The following RBM20 variants were observed in gnomAD, a reference collection of about 807,000 sequenced individuals.
RBM20 encodes RNA-binding protein 20.
In RBM20, 51 loss-of-function variants were observed where a neutral mutation model predicts 110.1. That is an observed-to-expected ratio of 0.46 (90% CI 0.37 to 0.59). The LOEUF is 0.59. RBM20 is among the 20% of genes least tolerant of loss of function. The pLI is 0.00. For synonymous variants in RBM20, 589 were observed against 618.2 expected, an observed-to-expected ratio of 0.95 and a Z score of 0.70; for missense variants, 1,512 against 1,574.9, an observed-to-expected ratio of 0.96 and a Z score of 0.68.
intron 7 of RBM20, among the ~76,000 whole-genome samples, chr10:110,807,414 G>A (rs1844708149): frequency 6.6e-6 from 1 of 152,258 alleles, no homozygotes; most frequent in South Asian, 2.1e-4. Flanking sequence ...CTGGGAAACT[G>A]CATGGGCCAC....
chr10:110,766,682 T>C (rs1223023047), intron 1 of RBM20, among the ~76,000 whole-genome samples: 1 of 151,186 alleles, frequency 6.6e-6, no homozygotes, highest in African/African-American at 2.4e-5. Flanking sequence ...CAGAAGAATT[T>C]TTCTTAGTAC....
intron 1 of RBM20, among the ~76,000 whole-genome samples, chr10:110,737,675 G>A (rs1010477055): frequency 2.0e-5 from 3 of 150,586 alleles, no homozygotes; most frequent in Non-Finnish European, 2.9e-5. Context: ...ACTCTTTTGT[G>A]CCTAAGTTTC....
intron 12 of RBM20, among the ~76,000 whole-genome samples, chr10:110,829,707 G>T (rs1845024714): frequency 6.6e-6 from 1 of 152,234 alleles, no homozygotes; most frequent in South Asian, 2.1e-4. Flanking sequence ...GTGGGAGGAG[G>T]AAAGTGAAGC....
chr10:110,670,442 AT>A (rs2134839601), intron 1 of RBM20, among the ~76,000 whole-genome samples: 1 of 152,232 alleles, frequency 6.6e-6, no homozygotes, highest in South Asian at 2.1e-4. Context: ...ACTGGACTGT[AT>A]TTCTTTAGCT....
chr10:110,759,685 A>G (rs1281640149), intron 1 of RBM20, among the ~76,000 whole-genome samples: 2 of 152,184 alleles, frequency 1.3e-5, no homozygotes, highest in South Asian at 2.1e-4. Flanking sequence ...CAAGATTGCC[A>G]GGCGAAAACA....
At chr10:110,701,057 TTGCTTC>T (rs1413734382) in intron 1 of RBM20, among the ~76,000 whole-genome samples, 2 of 152,042 alleles carry the variant, frequency 1.3e-5, no homozygotes, top group South Asian at 4.1e-4. Flanking sequence ...AAACCTCTCT[TTGCTTC>T]TGCCTTATCT....
At chr10:110,769,862 TTG>T (rs1844162333) in intron 1 of RBM20, among the ~76,000 whole-genome samples, 2 of 151,896 alleles carry the variant, frequency 1.3e-5, no homozygotes, top group Non-Finnish European at 2.9e-5. Flanking sequence ...GAGATTACAG[TTG>T]TGCGCCACCA....
At chr10:110,707,610 G>A (rs1564821331) in intron 1 of RBM20, among the ~76,000 whole-genome samples, 1 of 152,058 alleles carries the variant, frequency 6.6e-6, no homozygotes, top group East Asian at 1.9e-4. Context: ...GCAATAACAT[G>A]AATGAAACTG....
At chr10:110,749,204 G>C (rs150668205) in intron 1 of RBM20, among the ~76,000 whole-genome samples, 119 of 152,352 alleles carry the variant, frequency 7.8e-4, no homozygotes, top group African/African-American at 2.6e-3. Context: ...CACAAGGATG[G>C]AAAGTAAGAG....
intron 1 of RBM20, among the ~76,000 whole-genome samples, chr10:110,727,419 A>AAAAAATAAAATAAAAAAATAAAAAAAAT (rs377734576): frequency 6.8e-6 from 1 of 146,726 alleles, no homozygotes; most frequent in Admixed American, 6.7e-5. Flanking sequence ...AAATAAAAAA[A>AAAAAATAAAATAAAAAAATAAAAAAAAT]AAATAAATAA....
chr10:110,792,980 GA>G (rs1397210253), intron 5 of RBM20, among the ~76,000 whole-genome samples: 14 of 152,190 alleles, frequency 9.2e-5, no homozygotes, highest in South Asian at 2.1e-4. Context: ...CACAGTTGGA[GA>G]AAGCTATCAT....
rs575216610 is a variant in RBM20, at chr10:110,723,110, T to TAAAAA, written c.192-57676_192-57672dup. ...CTGGGCGCCAGAGCGAGACTCCATCTAAAAAAAAAAAAAAAAAAATCATCC... is the reference window on the plus strand; with the variant it reads ...CTGGGCGCCAGAGCGAGACTCCATCTAAAAAAAAAAAAAAAAAAAAAAAATCATCC... On this transcript the variant is annotated intron_variant, in intron 1 of 13. Coordinates refer to ENST00000369519, the MANE Select transcript of RBM20 (RefSeq NM_001134363.3). Among the ~76,000 whole-genome samples, 287 of 128,110 alleles carry TAAAAA rather than the reference T, an allele frequency of 2.2e-3. 3 individuals are homozygous for TAAAAA. Among genetic ancestry groups the TAAAAA allele is most frequent in the African/African-American group, 7.8e-3 (273 of 34,778 alleles). The allele number at this position is 128,110 out of a possible 152,430, so 84.0% of individuals were successfully genotyped here.
Position 110,644,686 on chromosome 10 carries a change from G to T in RBM20, c.191+41G>T. On this transcript the variant is annotated intron_variant, in intron 1 of 13. Transcript: ENST00000369519. This position sits in a 1 kb window ranked among gnomAD's most constrained non-coding sequence, Gnocchi z 4.3. ...GGAACAGGGACCACGGGTGCGCCTG[G>T]GGACACGCCCCGAGAGCCCCCTTTG... The T allele has an allele frequency of 7.2e-7, 1 of 1,390,268 alleles. No homozygotes were observed. Among genetic ancestry groups the T allele is most frequent in the Non-Finnish European group, 9.5e-7 (1 of 1,057,868 alleles). The allele number at this position is 1,390,268 out of a possible 1,614,324, so 86.1% of individuals were successfully genotyped here.
At chr10:110,677,965 A>G (rs1427149298) in intron 1 of RBM20, among the ~76,000 whole-genome samples, 1 of 152,208 alleles carries the variant, frequency 6.6e-6, no homozygotes, top group Non-Finnish European at 1.5e-5. Context: ...TGAAAGAAGT[A>G]TTTACTGAAC....
At chr10:110,751,943 C>A (rs1048657298) in intron 1 of RBM20, among the ~76,000 whole-genome samples, 1 of 151,816 alleles carries the variant, frequency 6.6e-6, no homozygotes, top group Non-Finnish European at 1.5e-5. Context: ...ACAGAGATTT[C>A]CGATATACCC....
At chr10:110,666,809 A>G (rs1862185015) in intron 1 of RBM20, among the ~76,000 whole-genome samples, 1 of 152,182 alleles carries the variant, frequency 6.6e-6, no homozygotes, top group South Asian at 2.1e-4. Context: ...ATTGAGGATT[A>G]TAGGGTTTTA....
intron 1 of RBM20, among the ~76,000 whole-genome samples, chr10:110,736,871 A>C (rs1278929247): frequency 6.6e-6 from 1 of 152,080 alleles, no homozygotes; most frequent in Non-Finnish European, 1.5e-5. Flanking sequence ...GAGTGGGATT[A>C]GTGCTCTTAT....
intron 12 of RBM20, among the ~76,000 whole-genome samples, chr10:110,825,859 A>G (rs1844974548): frequency 6.6e-6 from 1 of 152,162 alleles, no homozygotes; most frequent in Non-Finnish European, 1.5e-5. Flanking sequence ...TTTTATCCTT[A>G]TTTAACAGAT....
intron 5 of RBM20, 123 bp downstream of exon 5, chr10:110,785,012 G>C: frequency 1.5e-6 from 1 of 648,706 alleles, no homozygotes; most frequent in Non-Finnish European, 2.6e-6. Flanking sequence ...CTGCAGCCTT[G>C]AACTAACTCC....
Sources: allele counts gnomAD v4.1 joint callset (sites outside exome capture counted in the v4.1 genomes callset), GRCh38; gene constraint gnomAD v4.1.1; non-coding constraint Gnocchi (gnomAD v3.1); transcripts MANE v1.5; gene names NCBI Gene and HGNC (gene_info 2026-07-23, HGNC 2026-07-21).